The following PIGK variants were observed in gnomAD, a reference collection of about 807,000 sequenced individuals.
PIGK encodes GPI-anchor transamidase.
In PIGK, 42 loss-of-function variants were observed where a neutral mutation model predicts 50.6. That is an observed-to-expected ratio of 0.83 (90% CI 0.65 to 1.07). The LOEUF (loss-of-function observed/expected upper bound fraction) is 1.07. PIGK is among the 50% of genes least tolerant of loss of function. PIGK has a pLI of 0.00. For missense variants in PIGK, 448 were observed against 488.7 expected, an observed-to-expected ratio of 0.92 and a Z score of 0.78; for synonymous variants, 151 against 156.0, an observed-to-expected ratio of 0.97 and a Z score of 0.24.
chr1:77,099,062 C>A (rs1653485650), intron 10 of PIGK, among the ~76,000 whole-genome samples: 1 of 151,880 alleles, frequency 6.6e-6, no homozygotes, highest in Non-Finnish European at 1.5e-5. Context: ...GAAACGCTCA[C>A]AAAGGTTTTC....
At chr1:77,095,552 ATTCCC>A (rs1653388521) in intron 10 of PIGK, among the ~76,000 whole-genome samples, 1 of 152,096 alleles carries the variant, frequency 6.6e-6, no homozygotes, top group Non-Finnish European at 1.5e-5. Flanking sequence ...TTTAAATATA[ATTCCC>A]AGCAAGCAAT....
intron 2 of PIGK, among the ~76,000 whole-genome samples, chr1:77,208,988 A>G (rs1255171545): frequency 1.3e-5 from 2 of 152,008 alleles, no homozygotes; most frequent in African/African-American, 4.8e-5. Context: ...TCCTCTATCC[A>G]TCTCCTTTAC....
intron 9 of PIGK, among the ~76,000 whole-genome samples, chr1:77,149,718 T>C (rs968139879): frequency 6.6e-6 from 1 of 152,070 alleles, no homozygotes; most frequent in Non-Finnish European, 1.5e-5. Flanking sequence ...CAAAGAAGGA[T>C]TGGAGTCTAT....
At chr1:77,193,758 A>G (rs1655967133) in intron 3 of PIGK, among the ~76,000 whole-genome samples, 1 of 152,242 alleles carries the variant, frequency 6.6e-6, no homozygotes, top group South Asian at 2.1e-4. Context: ...AGAAGGATAT[A>G]CTATTCTGGA....
chr1:77,179,482 T>G (rs1408495001), intron 3 of PIGK, among the ~76,000 whole-genome samples: 1 of 152,222 alleles, frequency 6.6e-6, no homozygotes, highest in East Asian at 1.9e-4. Context: ...CCAGGAGCCA[T>G]ACTTCACTCT....
chr1:77,165,773 G>C (rs1045499788), intron 5 of PIGK, among the ~76,000 whole-genome samples: 1 of 152,128 alleles, frequency 6.6e-6, no homozygotes, highest in Non-Finnish European at 1.5e-5. Context: ...CCAAGGAGAA[G>C]AGAAATATCT....
chr1:77,097,866 T>A (rs1406242322), intron 10 of PIGK, among the ~76,000 whole-genome samples: 1 of 151,956 alleles, frequency 6.6e-6, no homozygotes, highest in African/African-American at 2.4e-5. Context: ...AAAAATGTCA[T>A]TCACAATAAC....
intron 3 of PIGK, among the ~76,000 whole-genome samples, chr1:77,179,336 C>A (rs1655559534): frequency 1.3e-5 from 2 of 152,196 alleles, no homozygotes; most frequent in South Asian, 4.1e-4. Context: ...GTAAAGTGAA[C>A]TAAATGTGGT....
chr1:77,194,877 C>A, intron 3 of PIGK: 2 of 443,776 alleles, frequency 4.5e-6, no homozygotes, highest in South Asian at 3.6e-5. Context: ...ACAAAACCAA[C>A]CTGATATTTC....
intron 2 of PIGK, 125 bp from the exon 3 acceptor site, chr1:77,206,856 A>G (rs1444374811): frequency 3.5e-6 from 2 of 567,312 alleles, no homozygotes; most frequent in Non-Finnish European, 6.2e-6. Flanking sequence ...CAGGCTTTAA[A>G]ACAGCAAACA....
At chr1:77,161,250 G>T in intron 8 of PIGK, 45 bp downstream of exon 8, 1 of 901,928 alleles carries the variant, frequency 1.1e-6, no homozygotes, top group South Asian at 1.3e-5. Flanking sequence ...TTCACATTAA[G>T]GTTAGCATAC....
At chr1:77,195,343 C>T (rs1656009035) in intron 3 of PIGK, 6 of 1,275,586 alleles carry the variant, frequency 4.7e-6, no homozygotes, top group Admixed American at 1.7e-5. Flanking sequence ...GTTGAGCCAG[C>T]GGGCGGAGGC....
chr1:77,172,666 G>A (rs554476898), intron 3 of PIGK, among the ~76,000 whole-genome samples: 1 of 152,264 alleles, frequency 6.6e-6, no homozygotes, highest in South Asian at 2.1e-4. Flanking sequence ...GCTCACACCT[G>A]TAATGCCAGC....
chr1:77,130,189 CTT>C (rs67252426), intron 9 of PIGK, among the ~76,000 whole-genome samples: 11 of 103,908 alleles, frequency 1.1e-4, no homozygotes, highest in Non-Finnish European at 1.7e-4. Flanking sequence ...TTTGCATTGT[CTT>C]TTTTTTTTTT....
chr1:77,157,457 T>C (rs576652082), intron 8 of PIGK, among the ~76,000 whole-genome samples: 4 of 152,294 alleles, frequency 2.6e-5, no homozygotes, highest in South Asian at 4.1e-4. Flanking sequence ...TTTTAAACGA[T>C]CATTAGATAT....
intron 10 of PIGK, among the ~76,000 whole-genome samples, chr1:77,109,253 A>T (rs951731122): frequency 5.9e-5 from 9 of 152,238 alleles, no homozygotes; most frequent in Non-Finnish European, 1.2e-4. Flanking sequence ...TCCCTAACTC[A>T]TTTTATGAGG....
intron 3 of PIGK, among the ~76,000 whole-genome samples, chr1:77,206,053 G>A (rs1458956059): frequency 6.6e-6 from 1 of 151,900 alleles, no homozygotes; most frequent in African/African-American, 2.4e-5. Flanking sequence ...GTAAGAAGTT[G>A]GGACAGCAAA....
intron 3 of PIGK, among the ~76,000 whole-genome samples, chr1:77,206,370 C>T (rs1570263742): frequency 6.6e-6 from 1 of 152,198 alleles, no homozygotes; most frequent in East Asian, 1.9e-4. Context: ...CCTGACTGAG[C>T]CATTTACTAA....
chr1:77,155,807 A>T (rs1191991716), intron 8 of PIGK, among the ~76,000 whole-genome samples: 1 of 152,168 alleles, frequency 6.6e-6, no homozygotes, highest in Non-Finnish European at 1.5e-5. Flanking sequence ...CTGCACTGGC[A>T]ATCACCAATA....
Sources: gnomAD v4.1 joint callset for allele counts (sites outside exome capture counted in the v4.1 genomes callset) on GRCh38, gnomAD v4.1.1 for gene constraint, MANE v1.5 for transcripts, NCBI Gene and HGNC (gene_info 2026-07-23, HGNC 2026-07-21) for gene names.